The following ADGRL3 variants were observed in gnomAD, a reference collection of about 807,000 sequenced individuals.
ADGRL3 encodes adhesion G protein-coupled receptor L3, also known as calcium-independent alpha-latrotoxin receptor 3.
Under a neutral mutation model 153.5 loss-of-function variants are expected in ADGRL3, and 62 were observed. The ratio of observed to expected loss-of-function variants is 0.40; its 90% CI spans 0.33 to 0.50. The LOEUF is 0.50. Among genes scored for constraint, ADGRL3 ranks in the 20% least tolerant of loss-of-function variants. ADGRL3 has a pLI of 0.47. For missense variants in ADGRL3, 1,641 were observed against 1,859.4 expected, an observed-to-expected ratio of 0.88 and a Z score of 2.16; for synonymous variants, 710 against 672.5, an observed-to-expected ratio of 1.06 and a Z score of -0.86.
intron 2 of ADGRL3, among the ~76,000 whole-genome samples, chr4:61,456,368 G>GAT (rs1364925572): frequency 1.8e-5 from 2 of 113,154 alleles, no homozygotes; most frequent in African/African-American, 6.6e-5. Context: ...TAGAGATATA[G>GAT]ATATATCTAT....
At chr4:61,437,104 T>A (rs978441618) in intron 2 of ADGRL3, among the ~76,000 whole-genome samples, 3 of 152,106 alleles carry the variant, frequency 2.0e-5, no homozygotes, top group African/African-American at 7.2e-5. Flanking sequence ...GGAAGAAGAA[T>A]TTGTCAAAAT....
intron 2 of ADGRL3, among the ~76,000 whole-genome samples, chr4:61,489,416 G>A (rs1484818326): frequency 6.6e-6 from 1 of 151,834 alleles, no homozygotes; most frequent in Admixed American, 6.6e-5. Flanking sequence ...TCAGTTCTAG[G>A]TCAAGGTAAA....
At chr4:61,810,776 T>G (rs2097605955) in intron 8 of ADGRL3, among the ~76,000 whole-genome samples, 1 of 152,046 alleles carries the variant, frequency 6.6e-6, no homozygotes, top group South Asian at 2.1e-4. Context: ...GAACAAAAGG[T>G]TTTTTTATGT....
intron 2 of ADGRL3, among the ~76,000 whole-genome samples, chr4:61,452,002 T>A (rs1206953842): frequency 6.6e-6 from 1 of 152,202 alleles, no homozygotes; most frequent in Non-Finnish European, 1.5e-5. Context: ...CCTACATAAA[T>A]CAAATAACTG....
chr4:61,606,739 C>T (rs1379421929), intron 5 of ADGRL3, among the ~76,000 whole-genome samples: 1 of 152,060 alleles, frequency 6.6e-6, no homozygotes, highest in African/African-American at 2.4e-5. Flanking sequence ...GGTCTCACTG[C>T]AGTTTTAAGT....
intron 21 of ADGRL3, among the ~76,000 whole-genome samples, chr4:62,022,906 A>G (rs1264527537): frequency 1.3e-5 from 2 of 151,906 alleles, no homozygotes. Context: ...TGCTAACACA[A>G]CCTCCATTCT....
chr4:61,507,928 T>G (rs1171957103), intron 3 of ADGRL3, among the ~76,000 whole-genome samples: 2 of 152,122 alleles, frequency 1.3e-5, no homozygotes, highest in African/African-American at 4.8e-5. Context: ...AAGGAATAAT[T>G]TACAACATTC....
intron 9 of ADGRL3, among the ~76,000 whole-genome samples, chr4:61,821,403 C>A (rs1232101566): frequency 6.6e-6 from 1 of 151,466 alleles, no homozygotes; most frequent in Non-Finnish European, 1.5e-5. Context: ...GCTCTTGTTG[C>A]CCAGCCTGGA....
chr4:61,631,238 A>G (rs534104674), intron 5 of ADGRL3, among the ~76,000 whole-genome samples: 1 of 152,306 alleles, frequency 6.6e-6, no homozygotes, highest in Middle Eastern at 3.4e-3. Context: ...TCTAAATTCA[A>G]TTTTATGGAA....
intron 5 of ADGRL3, among the ~76,000 whole-genome samples, chr4:61,620,972 T>C (rs375335092): frequency 6.6e-6 from 1 of 152,140 alleles, no homozygotes; most frequent in Non-Finnish European, 1.5e-5. Flanking sequence ...AGTTCTTTTC[T>C]GTATTATGAA....
At chr4:61,338,444 T>A (rs2151089475) in intron 1 of ADGRL3, among the ~76,000 whole-genome samples, 1 of 152,034 alleles carries the variant, frequency 6.6e-6, no homozygotes, top group South Asian at 2.1e-4. Flanking sequence ...GAGATTGATT[T>A]GATTTAGCAG....
intron 2 of ADGRL3, among the ~76,000 whole-genome samples, chr4:61,457,382 C>A (rs931541120): frequency 1.3e-5 from 2 of 151,790 alleles, no homozygotes; most frequent in African/African-American, 2.4e-5. Flanking sequence ...CTTACCTTTT[C>A]ATACATTAAG....
chr4:61,669,545 G>A (rs2094921104), intron 5 of ADGRL3, among the ~76,000 whole-genome samples: 1 of 152,058 alleles, frequency 6.6e-6, no homozygotes, highest in African/African-American at 2.4e-5. Flanking sequence ...AATATTATAT[G>A]ATGTGGCTTT....
At chr4:61,314,496 C>T (rs2095135306) in intron 1 of ADGRL3, among the ~76,000 whole-genome samples, 1 of 152,244 alleles carries the variant, frequency 6.6e-6, no homozygotes, top group African/African-American at 2.4e-5. Context: ...GCGTGAGCCA[C>T]TGCGCTGGGC....
At chr4:61,358,279 C>G (rs2096214787) in intron 1 of ADGRL3, among the ~76,000 whole-genome samples, 1 of 152,118 alleles carries the variant, frequency 6.6e-6, no homozygotes, top group South Asian at 2.1e-4. Flanking sequence ...TGCTCAGAAT[C>G]TTACAGTGGG....
At chr4:61,793,009 A>G (rs1439796338) in intron 8 of ADGRL3, among the ~76,000 whole-genome samples, 4 of 151,680 alleles carry the variant, frequency 2.6e-5, no homozygotes, top group African/African-American at 9.7e-5. Context: ...GATTGGAATC[A>G]CAGTTCCATG....
intron 17 of ADGRL3, among the ~76,000 whole-genome samples, chr4:61,959,864 A>G (rs2098981249): frequency 6.6e-6 from 1 of 152,104 alleles, no homozygotes; most frequent in South Asian, 2.1e-4. Flanking sequence ...TAGTTCTTAC[A>G]CTCATTTTGT....
At chr4:61,300,863 T>C (rs1043392435) in intron 1 of ADGRL3, among the ~76,000 whole-genome samples, 1 of 151,482 alleles carries the variant, frequency 6.6e-6, no homozygotes, top group African/African-American at 2.4e-5. Flanking sequence ...CCTCACGGGT[T>C]CAAGCAATTG....
rs1304285403 is a variant in ADGRL3, at chr4:62,072,518, A to G, written c.*1610A>G. On this transcript the variant is annotated 3_prime_UTR_variant, in exon 27 of 27. Transcript: ENST00000683033. ...TCGCCTTTCTTTCTTTCTGTTTTCA[A>G]TACATAAACTTTGCTAATCCTCTGT... The G allele has an allele frequency of 1.3e-5, 2 of 152,504 alleles. No individual in the cohort carries two copies. The highest frequency in any genetic ancestry group is 4.8e-5 in the African/African-American group (2 of 41,420). 9.4% of individuals were successfully genotyped at this position (152,504 alleles called of 1,614,324 possible).
Sources: gnomAD v4.1 joint callset for allele counts (sites outside exome capture counted in the v4.1 genomes callset) on GRCh38, gnomAD v4.1.1 for gene constraint, MANE v1.5 for transcripts, NCBI Gene and HGNC (gene_info 2026-07-23, HGNC 2026-07-21) for gene names.